Variants in ARB2A observed in about 807,000 individuals in gnomAD.
The protein encoded by ARB2A is cotranscriptional regulator ARB2A.
the ARB2A span, among the ~76,000 whole-genome samples, chr5:93,765,865 G>A: frequency 6.6e-6 from 1 of 152,062 alleles, no homozygotes; most frequent in Non-Finnish European, 1.5e-5. Flanking sequence ...ACACAACAGA[G>A]CCCTATGAAA....
At chr5:93,740,540 C>T in the ARB2A span, 1 of 1,546,652 alleles carries the variant, frequency 6.5e-7, no homozygotes, top group Non-Finnish European at 8.7e-7. Context: ...TTCTTCTCCC[C>T]TCTCCAACCG....
chr5:93,843,343 G>C, the ARB2A span, among the ~76,000 whole-genome samples: 1 of 151,046 alleles, frequency 6.6e-6, no homozygotes, highest in Non-Finnish European at 1.5e-5. Flanking sequence ...TTTGCAGACA[G>C]AGAAAAATTT....
the ARB2A span, among the ~76,000 whole-genome samples, chr5:93,994,978 T>A: frequency 2.7e-4 from 41 of 152,170 alleles, no homozygotes; most frequent in African/African-American, 9.1e-4. Context: ...GATACTAGTC[T>A]ATTTTTATCA....
At chr5:94,075,389 T>A in the ARB2A span, among the ~76,000 whole-genome samples, 1 of 152,024 alleles carries the variant, frequency 6.6e-6, no homozygotes, top group South Asian at 2.1e-4. Flanking sequence ...TACTATAAAA[T>A]CAGGATTTAT....
chr5:94,058,512 T>C, the ARB2A span, among the ~76,000 whole-genome samples: 1 of 151,998 alleles, frequency 6.6e-6, no homozygotes, highest in East Asian at 1.9e-4. Flanking sequence ...TATACCAAAG[T>C]GAGAACTGGA....
the ARB2A span, among the ~76,000 whole-genome samples, chr5:93,704,577 AAAAC>A: frequency 3.3e-5 from 5 of 152,156 alleles, no homozygotes; most frequent in Non-Finnish European, 5.9e-5. Context: ...ACCACCCCCC[AAAAC>A]AAACAAACAG....
At chr5:94,061,885 C>T in the ARB2A span, among the ~76,000 whole-genome samples, 1 of 152,234 alleles carries the variant, frequency 6.6e-6, no homozygotes, top group African/African-American at 2.4e-5. Flanking sequence ...AGTTTAAATA[C>T]AATTCCTATC....
the ARB2A span, among the ~76,000 whole-genome samples, chr5:93,990,380 AT>A: frequency 6.6e-6 from 1 of 152,146 alleles, no homozygotes; most frequent in East Asian, 1.9e-4. Flanking sequence ...AAATGATACT[AT>A]TTTCACCACT....
chr5:94,097,069 G>A, the ARB2A span, among the ~76,000 whole-genome samples: 769 of 152,298 alleles, frequency 5.0e-3, 2 homozygotes, highest in African/African-American at 5.8e-3. Flanking sequence ...GCTCTGGTGC[G>A]GAAACGGCTA....
chr5:93,785,030 G>A, the ARB2A span, among the ~76,000 whole-genome samples: 1 of 152,046 alleles, frequency 6.6e-6, no homozygotes, highest in Admixed American at 6.6e-5. Flanking sequence ...TTCATTCAAA[G>A]CCTATTAATT....
the ARB2A span, among the ~76,000 whole-genome samples, chr5:93,757,991 C>T: frequency 4.9e-3 from 742 of 152,194 alleles, 2 homozygotes; most frequent in Non-Finnish European, 7.6e-3. Flanking sequence ...TATCTGCTGC[C>T]TTCTGGAGAC....
the ARB2A span, among the ~76,000 whole-genome samples, chr5:93,769,080 T>C: frequency 3.9e-5 from 6 of 152,208 alleles, no homozygotes; most frequent in Non-Finnish European, 2.9e-5. Context: ...GTAACATTCA[T>C]AAAATGAAAT....
chr5:93,866,369 T>C, the ARB2A span: 1 of 846,574 alleles, frequency 1.2e-6, no homozygotes, highest in Admixed American at 6.2e-5. Flanking sequence ...TTCAACTAAC[T>C]TTTAGGTGCA....
At chr5:93,782,547 T>C in the ARB2A span, among the ~76,000 whole-genome samples, 1 of 152,164 alleles carries the variant, frequency 6.6e-6, no homozygotes, top group African/African-American at 2.4e-5. Context: ...ATATTTTGAA[T>C]AGGCAAACCA....
chr5:93,726,131 A>G, the ARB2A span, among the ~76,000 whole-genome samples: 1 of 152,098 alleles, frequency 6.6e-6, no homozygotes, highest in African/African-American at 2.4e-5. Flanking sequence ...CCTATGTGCA[A>G]TATCCTACAC....
chr5:94,076,603 T>C, the ARB2A span, among the ~76,000 whole-genome samples: 2 of 152,318 alleles, frequency 1.3e-5, no homozygotes, highest in East Asian at 3.9e-4. Context: ...AACAAATATC[T>C]GCAAGGGATA....
At chr5:93,926,089 G>A in the ARB2A span, among the ~76,000 whole-genome samples, 1 of 152,028 alleles carries the variant, frequency 6.6e-6, no homozygotes, top group East Asian at 1.9e-4. Flanking sequence ...GATATGAATG[G>A]GGAATAATTT....
At chr5:93,868,732 GA>G in the ARB2A span, among the ~76,000 whole-genome samples, 1 of 151,832 alleles carries the variant, frequency 6.6e-6, no homozygotes, top group Non-Finnish European at 1.5e-5. Flanking sequence ...CACTTGAGGA[GA>G]AAAAAAATGT....
At chr5:93,651,626 G>A in the ARB2A span, among the ~76,000 whole-genome samples, 4,112 of 152,204 alleles carry the variant, frequency 0.027, 167 homozygotes, top group African/African-American at 0.094. Context: ...GAGTGAATGC[G>A]CAGCACTAGA....
Sources: allele counts gnomAD v4.1 joint callset (sites outside exome capture counted in the v4.1 genomes callset), GRCh38; gene constraint gnomAD v4.1.1; transcripts MANE v1.5; gene names NCBI Gene and HGNC (gene_info 2026-07-23, HGNC 2026-07-21).